CCDC66: variants seen among roughly 807,000 people sequenced by gnomAD.
The protein encoded by CCDC66 is coiled-coil domain containing 66, also known as coiled-coil domain-containing protein 66.
In CCDC66, 133 loss-of-function variants were observed where a neutral mutation model predicts 128.3. That is an observed-to-expected ratio of 1.04 (90% CI 0.90 to 1.20). The LOEUF is 1.20. Ranked by LOEUF, CCDC66 falls within the 50% of genes most tolerant of loss-of-function variation. The pLI, the probability that CCDC66 is intolerant of heterozygous loss-of-function variation, is 0.00. For synonymous variants in CCDC66, 387 were observed against 357.0 expected (o/e 1.08, Z -0.95); for missense variants, 1,126 against 1,075.5 (o/e 1.05, Z -0.66).
chr3:56,575,956 G>C (rs949366222), intron 7 of CCDC66, among the ~76,000 whole-genome samples: 4 of 151,562 alleles, frequency 2.6e-5, no homozygotes, highest in African/African-American at 9.7e-5. Flanking sequence ...TCACCATCAG[G>C]AACTATGACC....
chr3:56,620,622 C>T (rs189589766), intron 17 of CCDC66: 33 of 152,292 alleles, frequency 2.2e-4, no homozygotes, highest in African/African-American at 7.0e-4. Context: ...AAAATTGTCC[C>T]CCCACTTTGG....
At chr3:56,610,624 T>C (rs1008648955) in intron 10 of CCDC66, among the ~76,000 whole-genome samples, 3 of 152,310 alleles carry the variant, frequency 2.0e-5, no homozygotes, top group South Asian at 2.1e-4. Context: ...AGTGTGATTT[T>C]TGGGGGGGTG....
chr3:56,564,439 A>C (rs2065524536), intron 4 of CCDC66, among the ~76,000 whole-genome samples: 1 of 152,226 alleles, frequency 6.6e-6, no homozygotes, highest in Non-Finnish European at 1.5e-5. Context: ...TAAAATAGTT[A>C]TATGAAACAT....
In CCDC66 at chr3:56,558,858, G is replaced by C. The variant is rs769435005; in HGVS notation, c.24G>C (p.Lys8Asn). MNLGDGL[K>N]LETELLDGKT... ...TTTTTTATTACAGAGATGGTTTAAA[G>C]CTTGAAACTGAATTACTGGATGGAA... The change falls in exon 2 of 18, where the codon AAG becomes AAC. Residue 8 changes from lysine (K) to asparagine (N), a missense_variant. By Grantham distance (94) the Lys-to-Asn change is moderately conservative (BLOSUM62 0). Coordinates refer to ENST00000394672, the MANE Select transcript of CCDC66 (RefSeq NM_001141947.3). The C allele has an allele frequency of 6.5e-7, 1 of 1,549,026 alleles. No homozygotes were observed. The highest frequency in any genetic ancestry group is 1.2e-5 in the South Asian group (1 of 83,920).
chr3:56,614,469 T>C (rs2075252059), intron 11 of CCDC66, among the ~76,000 whole-genome samples: 1 of 152,206 alleles, frequency 6.6e-6, no homozygotes, highest in Admixed American at 6.5e-5. Flanking sequence ...TGATACAATT[T>C]GTGACTGTTA....
At chr3:56,604,198 A>G (rs1171272253) in intron 10 of CCDC66, among the ~76,000 whole-genome samples, 1 of 152,062 alleles carries the variant, frequency 6.6e-6, no homozygotes, top group Non-Finnish European at 1.5e-5. Flanking sequence ...TCTCCTGAAT[A>G]CAGCACACTG....
chr3:56,580,779 A>G (rs1464766710), intron 7 of CCDC66, among the ~76,000 whole-genome samples: 1 of 151,778 alleles, frequency 6.6e-6, no homozygotes, highest in Non-Finnish European at 1.5e-5. Context: ...TTAGGGATCC[A>G]CTGTTAGTCC....
intron 16 of CCDC66, 77 bp from the exon 17 acceptor site, chr3:56,619,700 T>A (rs1242870539): frequency 6.5e-7 from 1 of 1,541,440 alleles, no homozygotes; most frequent in East Asian, 2.3e-5. Context: ...TAATGACTCC[T>A]GACAATATTA....
intron 10 of CCDC66, among the ~76,000 whole-genome samples, chr3:56,600,974 T>A (rs2073058599): frequency 6.6e-6 from 1 of 152,102 alleles, no homozygotes. Flanking sequence ...CAGAAGTTCT[T>A]TAGTTTAATT....
chr3:56,557,825 A>G (rs1189133303), intron 1 of CCDC66: 1 of 153,020 alleles, frequency 6.5e-6, no homozygotes, highest in Admixed American at 6.5e-5. Flanking sequence ...TTTTGAGAAG[A>G]TGAGAAGCCA....
At chr3:56,580,029 A>G (rs1450311850) in intron 7 of CCDC66, among the ~76,000 whole-genome samples, 1 of 151,560 alleles carries the variant, frequency 6.6e-6, no homozygotes, top group African/African-American at 2.4e-5. Flanking sequence ...TCCCATTATT[A>G]TTGTGTGGGA....
At chr3:56,613,195 T>C (rs887027038) in intron 10 of CCDC66, among the ~76,000 whole-genome samples, 1 of 152,178 alleles carries the variant, frequency 6.6e-6, no homozygotes, top group Non-Finnish European at 1.5e-5. Flanking sequence ...TGAGCAGTGC[T>C]TTCATGTGGT....
chr3:56,561,331 C>A, intron 3 of CCDC66: 1 of 454,604 alleles, frequency 2.2e-6, no homozygotes, highest in Non-Finnish European at 4.4e-6. Flanking sequence ...ATCTGAAGAT[C>A]CCCTTTATAG....
At chr3:56,565,456 C>CT (rs1246453020) in intron 4 of CCDC66, among the ~76,000 whole-genome samples, 70 of 123,820 alleles carry the variant, frequency 5.7e-4, no homozygotes, top group Non-Finnish European at 1.1e-3. Context: ...TTTTTTTTTT[C>CT]TTTTTTTTGT....
At chr3:56,620,534 C>CTTT (rs1037820175) in intron 17 of CCDC66, 5 of 152,152 alleles carry the variant, frequency 3.3e-5, no homozygotes, top group African/African-American at 1.2e-4. Context: ...TAAAAGTGCC[C>CTTT]TTTTCCATGT....
Position 56,581,263 on chromosome 3 carries a change from A to G in CCDC66, c.936+9961A>G, listed in dbSNP as rs1300867690. ...CCATGGTTTTCAGCTCCATCAGGTCATTTAAGGACTTCTCTACACTGTTTA... is the reference window on the plus strand; with the variant it reads ...CCATGGTTTTCAGCTCCATCAGGTCGTTTAAGGACTTCTCTACACTGTTTA... On this transcript the variant is annotated intron_variant, in intron 7 of 17. Coordinates refer to ENST00000394672, the MANE Select transcript of CCDC66 (RefSeq NM_001141947.3). 5.3e-5 allele frequency among the ~76,000 whole-genome samples: 8 copies of G among 151,904 alleles called. No homozygotes were observed. The South Asian group carries it at 1.7e-3, about 32-fold the overall frequency.
At chr3:56,584,504 G>T (rs979477063) in intron 7 of CCDC66, among the ~76,000 whole-genome samples, 19 of 148,774 alleles carry the variant, frequency 1.3e-4, no homozygotes, top group Non-Finnish European at 2.4e-4. Flanking sequence ...GGGCGGCAGG[G>T]CAGAGGCGCT....
chr3:56,619,606 A>C, intron 16 of CCDC66, 79 bp downstream of exon 16: 1 of 1,508,592 alleles, frequency 6.6e-7, no homozygotes, highest in Admixed American at 2.2e-5. Flanking sequence ...ATTCCAAATT[A>C]GTAATTCCTG....
Position 56,563,885 on chromosome 3 carries a change from A to G in CCDC66, c.304A>G (p.Lys102Glu), listed in dbSNP as rs561196778. ...TKDLCKQCID[K>E]DCLHIQKEIS... Reference sequence around the variant, plus strand: ...GGATTTATGTAAACAATGTATAGATAAAGACTGTCTTCATATCCAGAAAGA... The same window carrying G: ...GGATTTATGTAAACAATGTATAGATGAAGACTGTCTTCATATCCAGAAAGA... Residue 102 changes from lysine to glutamate, a missense_variant, in exon 4 of 18, where the codon AAA becomes GAA. Coordinates refer to ENST00000394672, the MANE Select transcript of CCDC66 (RefSeq NM_001141947.3). 4.3e-6 allele frequency: 7 copies of G among 1,610,200 alleles called. No homozygotes were observed. The African/African-American group carries it at 6.7e-5, about 15-fold the overall frequency.
Sources: allele counts gnomAD v4.1 joint callset (sites outside exome capture counted in the v4.1 genomes callset), GRCh38; gene constraint gnomAD v4.1.1; transcripts MANE v1.5; gene names NCBI Gene and HGNC (gene_info 2026-07-23, HGNC 2026-07-21).